The following HS6ST3 variants were observed in gnomAD, a reference collection of about 807,000 sequenced individuals.
HS6ST3 encodes heparan sulfate 6-O-sulfotransferase 3, also known as heparan-sulfate 6-O-sulfotransferase 3.
Under a neutral mutation model 36.7 loss-of-function variants are expected in HS6ST3, and 12 were observed. The ratio of observed to expected loss-of-function variants is 0.33; its 90% CI spans 0.21 to 0.53. The LOEUF (loss-of-function observed/expected upper bound fraction) is 0.53. Among genes scored for constraint, HS6ST3 ranks in the 20% least tolerant of loss-of-function variants. The pLI is 0.95. For missense variants in HS6ST3, 584 were observed against 640.9 expected, an observed-to-expected ratio of 0.91 and a Z score of 0.96; for synonymous variants, 240 against 257.5, an observed-to-expected ratio of 0.93 and a Z score of 0.65.
intron 1 of HS6ST3, among the ~76,000 whole-genome samples, chr13:96,766,262 C>A (rs1877110880): frequency 6.6e-6 from 1 of 152,148 alleles, no homozygotes; most frequent in South Asian, 2.1e-4. Flanking sequence ...GCTGTTGATA[C>A]CTTGAAAAGT....
intron 1 of HS6ST3, among the ~76,000 whole-genome samples, chr13:96,675,135 G>A (rs1267144129): frequency 1.3e-5 from 2 of 151,980 alleles, no homozygotes; most frequent in Admixed American, 1.3e-4. Flanking sequence ...ACAAGAATGC[G>A]AACAGAAACG....
intron 1 of HS6ST3, among the ~76,000 whole-genome samples, chr13:96,810,725 T>C (rs1878300064): frequency 6.6e-6 from 1 of 152,204 alleles, no homozygotes; most frequent in African/African-American, 2.4e-5. Flanking sequence ...TGATTTGCCC[T>C]GAGTGTGGGG....
chr13:96,348,729 T>G (rs1273728630), intron 1 of HS6ST3, among the ~76,000 whole-genome samples: 1 of 152,158 alleles, frequency 6.6e-6, no homozygotes, highest in Non-Finnish European at 1.5e-5. Context: ...TCAACTCATT[T>G]CCCAAGGCAC....
intron 1 of HS6ST3, among the ~76,000 whole-genome samples, chr13:96,623,245 A>G (rs951103235): frequency 6.6e-6 from 1 of 152,160 alleles, no homozygotes; most frequent in South Asian, 2.1e-4. Flanking sequence ...CCATGAGTCT[A>G]TGTGACAGCA....
chr13:96,333,762 G>C (rs2055085065), intron 1 of HS6ST3, among the ~76,000 whole-genome samples: 2 of 152,130 alleles, frequency 1.3e-5, no homozygotes, highest in African/African-American at 2.4e-5. Flanking sequence ...ACTGACACAT[G>C]AATAGATGAA....
intron 1 of HS6ST3, among the ~76,000 whole-genome samples, chr13:96,472,678 T>C (rs551016478): frequency 6.6e-6 from 1 of 152,298 alleles, no homozygotes; most frequent in South Asian, 2.1e-4. Flanking sequence ...CTCAGTTAAC[T>C]TAGTGTCCTT....
chr13:96,186,061 AATACATTTATATGCATAT>A (rs2054263739), intron 1 of HS6ST3, among the ~76,000 whole-genome samples: 1 of 152,188 alleles, frequency 6.6e-6, no homozygotes, highest in African/African-American at 2.4e-5. Context: ...TATGTATGTA[AATACATTTATATGCATAT>A]ATGTGTATAT....
intron 1 of HS6ST3, among the ~76,000 whole-genome samples, chr13:96,508,837 A>G (rs1005899633): frequency 2.0e-5 from 3 of 152,126 alleles, no homozygotes; most frequent in African/African-American, 7.2e-5. Context: ...CTATAAACAT[A>G]CGTGTGCAAG....
In HS6ST3 at chr13:96,253,928, C is replaced by T. The variant is rs189836539; in HGVS notation, c.707+162359C>T. On this transcript the variant is annotated intron_variant, in intron 1 of 1. Transcript: ENST00000376705. ...GGCATTGCATACTGAAAAAGATTGA[C>T]CATTTTTTCTTTATTGTTTTAATTA... Among the ~76,000 whole-genome samples the T allele has an allele frequency of 3.3e-5, 5 of 152,148 alleles. No homozygotes were observed. The East Asian group carries it at 9.7e-4, about 29-fold the overall frequency.
intron 1 of HS6ST3, among the ~76,000 whole-genome samples, chr13:96,391,234 A>T (rs2055393822): frequency 6.6e-6 from 1 of 152,050 alleles, no homozygotes; most frequent in Admixed American, 6.6e-5. Flanking sequence ...AAGTTTAGAG[A>T]TGTATTGTTT....
At chr13:96,285,001 G>A (rs1359981208) in intron 1 of HS6ST3, among the ~76,000 whole-genome samples, 1 of 149,368 alleles carries the variant, frequency 6.7e-6, no homozygotes, top group Non-Finnish European at 1.5e-5. Flanking sequence ...TTCAGGAAAT[G>A]AGAATGTGCG....
intron 1 of HS6ST3, among the ~76,000 whole-genome samples, chr13:96,586,455 C>G (rs939813438): frequency 1.3e-5 from 2 of 152,060 alleles, no homozygotes; most frequent in Admixed American, 6.6e-5. Context: ...ACCACCGTGC[C>G]TGGCTAATTT....
intron 1 of HS6ST3, among the ~76,000 whole-genome samples, chr13:96,577,803 G>A (rs1020161254): frequency 2.9e-4 from 44 of 152,140 alleles, no homozygotes; most frequent in Admixed American, 1.0e-3. Context: ...ACCATTTCAC[G>A]CCAGTTAGAA....
intron 1 of HS6ST3, among the ~76,000 whole-genome samples, chr13:96,619,927 A>T (rs1404303701): frequency 6.6e-6 from 1 of 152,214 alleles, no homozygotes; most frequent in Non-Finnish European, 1.5e-5. Context: ...GGCTTGGAAC[A>T]GTTTAAGATT....
chr13:96,815,251 C>T (rs1242212808), intron 1 of HS6ST3, among the ~76,000 whole-genome samples: 2 of 152,154 alleles, frequency 1.3e-5, no homozygotes, highest in African/African-American at 2.4e-5. Context: ...ATGGGGTTCT[C>T]TGTATCTTCA....
intron 1 of HS6ST3, among the ~76,000 whole-genome samples, chr13:96,676,908 G>C (rs907266088): frequency 6.6e-6 from 1 of 152,134 alleles, no homozygotes; most frequent in South Asian, 2.1e-4. Flanking sequence ...TAATCAGCAG[G>C]TTTGGAGCTT....
chr13:96,339,075 A>G (rs913522306), intron 1 of HS6ST3, among the ~76,000 whole-genome samples: 2 of 152,116 alleles, frequency 1.3e-5, no homozygotes, highest in African/African-American at 4.8e-5. Context: ...GGAAATAGGG[A>G]AAATTTAGGA....
At chr13:96,461,249 A>T (rs1199176071) in intron 1 of HS6ST3, among the ~76,000 whole-genome samples, 1 of 152,230 alleles carries the variant, frequency 6.6e-6, no homozygotes, top group Non-Finnish European at 1.5e-5. Flanking sequence ...GAATGAGAAG[A>T]TGTATAAACA....
At chr13:96,477,590 C>T (rs1489084092) in intron 1 of HS6ST3, among the ~76,000 whole-genome samples, 3 of 152,120 alleles carry the variant, frequency 2.0e-5, no homozygotes, top group African/African-American at 4.8e-5. Flanking sequence ...TGTTACCGGC[C>T]GGGCACGGTG....
Sources: gnomAD v4.1 joint callset for allele counts (sites outside exome capture counted in the v4.1 genomes callset) on GRCh38, gnomAD v4.1.1 for gene constraint, MANE v1.5 for transcripts, NCBI Gene and HGNC (gene_info 2026-07-23, HGNC 2026-07-21) for gene names.